The following RAD23B variants were observed in gnomAD, a reference collection of about 807,000 sequenced individuals.
The protein encoded by RAD23B is lysine-specific demethylase RAD23B.
In RAD23B, 5 loss-of-function variants were observed where a neutral mutation model predicts 49.1. The ratio of observed to expected loss-of-function variants is 0.10; its 90% CI spans 0.05 to 0.21. The LOEUF (loss-of-function observed/expected upper bound fraction) is 0.21. Ranked by LOEUF, RAD23B falls within the 10% of genes least tolerant of loss-of-function variation. The pLI, the probability that RAD23B is intolerant of heterozygous loss-of-function variation, is 1.00. For missense variants in RAD23B, 356 were observed against 486.7 expected (o/e 0.73, Z 2.53); for synonymous variants, 184 against 165.4 (o/e 1.11, Z -0.86).
chr9:107,294,276 A>G (rs1833444427), intron 1 of RAD23B, among the ~76,000 whole-genome samples: 1 of 152,222 alleles, frequency 6.6e-6, no homozygotes, highest in Non-Finnish European at 1.5e-5. Flanking sequence ...AGTAGCTAGA[A>G]AAAATGTTTG....
At chr9:107,309,921 A>G (rs1826855865) in intron 4 of RAD23B, among the ~76,000 whole-genome samples, 1 of 123,546 alleles carries the variant, frequency 8.1e-6, no homozygotes, top group Admixed American at 9.2e-5. Flanking sequence ...ACAGAGTGAG[A>G]CTCCATCTCA....
intron 1 of RAD23B, among the ~76,000 whole-genome samples, chr9:107,290,167 A>G (rs1227262667): frequency 6.6e-6 from 1 of 152,196 alleles, no homozygotes; most frequent in Non-Finnish European, 1.5e-5. Context: ...AATAATCGAG[A>G]CAGAATGTCT....
chr9:107,305,333 A>G (rs1340490976), intron 3 of RAD23B, among the ~76,000 whole-genome samples: 2 of 152,134 alleles, frequency 1.3e-5, no homozygotes, highest in Non-Finnish European at 2.9e-5. Context: ...CACGAGAGAG[A>G]ATATTTTTAG....
chr9:107,307,019 C>T (rs1204106169), intron 4 of RAD23B, among the ~76,000 whole-genome samples: 3 of 151,906 alleles, frequency 2.0e-5, no homozygotes, highest in Admixed American at 6.6e-5. Context: ...GATCTGTATT[C>T]TTTGTGGTCA....
intron 3 of RAD23B, among the ~76,000 whole-genome samples, chr9:107,306,083 A>ATATATATATATATATATATCTATATATC (rs1826763457): frequency 1.8e-5 from 2 of 113,814 alleles, no homozygotes; most frequent in Non-Finnish European, 3.6e-5. Context: ...CTATATATCT[A>ATATATATATATATATATATCTATATATC]TATATATTTC....
chr9:107,288,548 C>T (rs1311261794), intron 1 of RAD23B, among the ~76,000 whole-genome samples: 1 of 152,092 alleles, frequency 6.6e-6, no homozygotes, highest in Non-Finnish European at 1.5e-5. Flanking sequence ...GGGGCTCAAG[C>T]GATTCTCCTG....
At position 107,330,586 on chromosome 9, in the gene RAD23B, C is replaced by G. The variant is rs1028525318; in HGVS notation, c.*930C>G. ...GTTTATCAGCAAGTCGTGAGTCAAACTGCTGCCTTTTAAAAAACCCACAAA... is the reference window on the plus strand; with the variant it reads ...GTTTATCAGCAAGTCGTGAGTCAAAGTGCTGCCTTTTAAAAAACCCACAAA... On this transcript the variant is annotated 3_prime_UTR_variant, in exon 10 of 10. Transcript: ENST00000358015. The surrounding 1 kb of genome is among the most constrained non-coding windows in gnomAD (Gnocchi z 4.4). 3 of 152,622 alleles carry G rather than the reference C, an allele frequency of 2.0e-5. No individual in the cohort carries two copies. The highest frequency in any genetic ancestry group is 7.2e-5 in the African/African-American group (3 of 41,442). 9.5% of individuals were successfully genotyped at this position (152,622 alleles called of 1,614,324 possible).
At chr9:107,284,445 C>T (rs554184820) in intron 1 of RAD23B, among the ~76,000 whole-genome samples, 2 of 151,418 alleles carry the variant, frequency 1.3e-5, no homozygotes, top group South Asian at 4.2e-4. Context: ...CTGCAGCCAC[C>T]CTCCCCCGAT....
chr9:107,307,839 C>G (rs1052902487), intron 4 of RAD23B, among the ~76,000 whole-genome samples: 1 of 152,134 alleles, frequency 6.6e-6, no homozygotes, highest in Admixed American at 6.5e-5. Flanking sequence ...TGCCCTGTTA[C>G]TTGCCTAGAA....
At chr9:107,290,955 G>A (rs562051950) in intron 1 of RAD23B, among the ~76,000 whole-genome samples, 27 of 152,290 alleles carry the variant, frequency 1.8e-4, no homozygotes, top group Non-Finnish European at 2.8e-4. Flanking sequence ...TGAATCGTAC[G>A]AAGGACACTA....
chr9:107,288,102 C>T lies in RAD23B; in HGVS notation c.66+4407C>T, dbSNP rs1833311924. ...TGGCAGAACAAGATACAGGAAGAAA[C>T]TGAGAAATCTGGTACATTTTTGCCA... is the stretch of plus-strand genomic sequence containing the variant. On this transcript the variant is annotated intron_variant, in intron 1 of 9. Coordinates refer to ENST00000358015, the MANE Select transcript of RAD23B (RefSeq NM_002874.5). 2.0e-5 allele frequency among the ~76,000 whole-genome samples: 3 copies of T among 152,184 alleles called. No individual in the cohort carries two copies. In the South Asian group the frequency reaches 6.2e-4, roughly 32 times the overall value.
intron 7 of RAD23B, 64 bp downstream of exon 7, chr9:107,322,182 C>A: frequency 6.8e-7 from 1 of 1,471,386 alleles, no homozygotes; most frequent in Non-Finnish European, 9.1e-7. Context: ...AATAATTTAA[C>A]CTGAAATACT....
At chr9:107,304,153 G>A (rs1348641840) in intron 3 of RAD23B, among the ~76,000 whole-genome samples, 1 of 152,102 alleles carries the variant, frequency 6.6e-6, no homozygotes, top group African/African-American at 2.4e-5. Context: ...AAGATCAAAA[G>A]CAAGAATAAA....
chr9:107,297,633 C>T (rs995003383), intron 1 of RAD23B, among the ~76,000 whole-genome samples: 4 of 152,054 alleles, frequency 2.6e-5, no homozygotes, highest in Non-Finnish European at 5.9e-5. Context: ...CCACTGTGCC[C>T]AGCCTTAATA....
At chr9:107,290,289 T>C (rs1431102690) in intron 1 of RAD23B, among the ~76,000 whole-genome samples, 1 of 152,180 alleles carries the variant, frequency 6.6e-6, no homozygotes, top group East Asian at 1.9e-4. Flanking sequence ...CTGTACCTCA[T>C]CCCCTGTCAT....
At chr9:107,302,672 T>TC (rs1293936511) in intron 3 of RAD23B, among the ~76,000 whole-genome samples, 1 of 151,530 alleles carries the variant, frequency 6.6e-6, no homozygotes, top group Non-Finnish European at 1.5e-5. Flanking sequence ...TTTTTTTTTT[T>TC]TGAGACGGAG....
intron 3 of RAD23B, 152 bp from the exon 4 acceptor site, chr9:107,306,227 G>C (rs1043166300): frequency 7.5e-6 from 5 of 667,346 alleles, no homozygotes; most frequent in African/African-American, 7.3e-5. Context: ...TGTTAATATT[G>C]ATCATTTATT....
intron 1 of RAD23B, among the ~76,000 whole-genome samples, chr9:107,298,477 T>TG (rs1826580356): frequency 9.7e-6 from 1 of 103,608 alleles, no homozygotes; most frequent in Non-Finnish European, 2.1e-5. Context: ...TTGGCTAATT[T>TG]TTTTTTTTTT....
chr9:107,316,607 CATT>C (rs935791126), intron 5 of RAD23B, among the ~76,000 whole-genome samples: 9 of 151,842 alleles, frequency 5.9e-5, no homozygotes, highest in African/African-American at 1.7e-4. Context: ...AAAGGAAAGT[CATT>C]ATTTTAAGCA....
Sources: gnomAD v4.1 joint callset for allele counts (sites outside exome capture counted in the v4.1 genomes callset) on GRCh38, gnomAD v4.1.1 for gene constraint, Gnocchi (gnomAD v3.1) non-coding constraint, MANE v1.5 for transcripts, NCBI Gene and HGNC (gene_info 2026-07-23, HGNC 2026-07-21) for gene names.